TWF2: variants seen among roughly 807,000 people sequenced by gnomAD.
TWF2 encodes twinfilin actin binding protein 2, also known as twinfilin-2.
Under a neutral mutation model 45.1 loss-of-function variants are expected in TWF2, and 15 were observed. The ratio of observed to expected loss-of-function variants is 0.33; its 90% CI spans 0.22 to 0.51. TWF2 has a LOEUF of 0.51. Ranked by LOEUF, TWF2 falls within the 20% of genes least tolerant of loss-of-function variation. The probability of loss-of-function intolerance (pLI) is 0.97; values close to 1 mark genes in which losing one functional copy is unlikely to be tolerated. For missense variants in TWF2, 423 were observed against 469.1 expected (o/e 0.90, Z 0.91); for synonymous variants, 177 against 195.8 (o/e 0.90, Z 0.80).
chr3:52,229,887 C>A lies in TWF2; in HGVS notation c.760+33G>T, dbSNP rs377621507. On this transcript the variant is annotated intron_variant, in intron 7 of 8. Coordinates refer to ENST00000305533, the MANE Select transcript of TWF2 (RefSeq NM_007284.4). Reference sequence around the variant, plus strand: ...CAGACCAGCCCTGCTCCCACCCAGCCACAGGCTTGGGAGCCCTGCCATGGC... The same window carrying A: ...CAGACCAGCCCTGCTCCCACCCAGCAACAGGCTTGGGAGCCCTGCCATGGC... 454 of 1,596,880 alleles carry A rather than the reference C, an allele frequency of 2.8e-4. No individual in the cohort carries two copies. In the African/African-American group the frequency reaches 5.1e-3, roughly 18 times the overall value.
rs551290450 is a variant in TWF2 at position 52,230,981 on chromosome 3, G to T, written c.498C>A (p.Ile166=). The stretch of plus-strand genomic sequence containing the variant: ...GGGTCTGGTGCTTGCTTTCCACACT[G>T]ATCTCTGTCTTCACCTGTGGGTAGG... ...QIRINEVKTE[I]SVESKHQTLQ... is the part of the protein sequence containing the mutation. Residue 166 remains isoleucine, a synonymous_variant, in exon 6 of 9, where the codon ATC becomes ATA. Transcript: ENST00000305533. The T allele has an allele frequency of 6.2e-7, 1 of 1,605,518 alleles. No homozygotes were observed. Among genetic ancestry groups the T allele is most frequent in the Admixed American group, 1.7e-5 (1 of 58,222 alleles).
chr3:52,229,839 C>A lies in TWF2; in HGVS notation c.761-57G>T, dbSNP rs929854227. On this transcript the variant is annotated intron_variant, in intron 7 of 8. Coordinates refer to ENST00000305533, the MANE Select transcript of TWF2 (RefSeq NM_007284.4). ...CCTGAGAAACCTGCTGACCTTCGCA[C>A]CCAGAGCAGGCCTGCCCCACTGCAG... 9.4e-5 allele frequency: 150 copies of A among 1,597,608 alleles called. No homozygotes were observed. The African/African-American group carries it at 1.3e-3, about 14-fold the overall frequency.
intron 2 of TWF2, 55 bp downstream of exon 2, chr3:52,234,974 A>G: frequency 6.3e-7 from 1 of 1,592,310 alleles, no homozygotes; most frequent in Admixed American, 1.7e-5. Flanking sequence ...CCCCACCCAC[A>G]GAGGCAGCAG....
At chr3:52,238,882 G>A in intron 1 of TWF2, 110 bp downstream of exon 1, 2 of 1,427,504 alleles carry the variant, frequency 1.4e-6, no homozygotes, top group Non-Finnish European at 1.9e-6. Flanking sequence ...AAAGAGAACA[G>A]GAAGCTTTCT....
At chr3:52,231,684 G>A (rs973702290) in intron 3 of TWF2, 145 bp from the exon 4 acceptor site, 5 of 1,029,674 alleles carry the variant, frequency 4.9e-6, no homozygotes, top group East Asian at 5.1e-5. Context: ...CGCAGCAGGT[G>A]GCCCCCACCA....
intron 2 of TWF2, among the ~76,000 whole-genome samples, chr3:52,233,013 A>G (rs1321878166): frequency 6.6e-6 from 1 of 152,206 alleles, no homozygotes; most frequent in East Asian, 1.9e-4. Flanking sequence ...CTCCGTCTCA[A>G]AAAAAGAAAG....
chr3:52,238,921 C>A (rs932132802), intron 1 of TWF2, 71 bp downstream of exon 1: 611 of 1,446,384 alleles, frequency 4.2e-4, no homozygotes, highest in Non-Finnish European at 5.3e-4. Context: ...GAGGGAGGGG[C>A]CGAGAGCCGG....
chr3:52,238,984 G>A lies in TWF2; in HGVS notation c.25+8C>T. On this transcript the variant is annotated splice_region_variant and intron_variant, in intron 1 of 8. Transcript: ENST00000305533. ...GAGGCCCCCTGCCCGCCCGCCATCC[G>A]CCCTCACCGTGGATGCCCGTTTGGT... 1 of 1,592,680 alleles carries A rather than the reference G, an allele frequency of 6.3e-7. No homozygotes were observed. Among genetic ancestry groups the A allele is most frequent in the Non-Finnish European group, 8.5e-7 (1 of 1,176,946 alleles).
At position 52,231,510 on chromosome 3, in the gene TWF2, C is replaced by A. The variant is rs567300535; in HGVS notation, c.312G>T (p.Thr104=). Residue 104 remains threonine (T), a synonymous_variant, in exon 4 of 9, where the codon ACG becomes ACT. Transcript: ENST00000305533. ...CAAACTCCTTTTTCACTGTGGCCCG[C>A]GTGGCCGCGTACAGCATCTTCAGCC... The part of the protein sequence containing the change: ...PVRLKMLYAA[T]RATVKKEFGG... 2 of 1,613,658 alleles carry A rather than the reference C, an allele frequency of 1.2e-6. No homozygotes were observed. Among genetic ancestry groups the A allele is most frequent in the African/African-American group, 2.7e-5 (2 of 74,936 alleles).
At chr3:52,234,983 A>G in intron 2 of TWF2, 46 bp downstream of exon 2, 1 of 1,602,418 alleles carries the variant, frequency 6.2e-7, no homozygotes, top group South Asian at 1.1e-5. Flanking sequence ...CAGAGGCAGC[A>G]GAGTCCACCC....
intron 1 of TWF2, among the ~76,000 whole-genome samples, chr3:52,236,946 T>A (rs1699731053): frequency 6.6e-6 from 1 of 152,136 alleles, no homozygotes; most frequent in Non-Finnish European, 1.5e-5. Flanking sequence ...CTTCAGTGTA[T>A]AAAATGGAAA....
rs1412534833 is a variant in TWF2 at position 52,230,222 on chromosome 3, T to TG, written c.610-153dup. The TG allele has an allele frequency of 3.6e-6, 4 of 1,102,038 alleles. No homozygotes were observed. In the Admixed American group the frequency reaches 8.7e-5, roughly 24 times the overall value. The allele number at this position is 1,102,038 out of a possible 1,614,324, so 68.3% of individuals were successfully genotyped here. Reference sequence around the variant, plus strand: ...CTCCCCTGCAATGGCCATCCCTCTATGGGGGTCCCTCTGAAGAGGCCAGTC... The same window carrying TG: ...CTCCCCTGCAATGGCCATCCCTCTATGGGGGGTCCCTCTGAAGAGGCCAGTC... On this transcript the variant is annotated intron_variant, in intron 6 of 8. Coordinates refer to ENST00000305533, the MANE Select transcript of TWF2 (RefSeq NM_007284.4).
chr3:52,233,669 C>T (rs932254013), intron 2 of TWF2, among the ~76,000 whole-genome samples: 4 of 152,102 alleles, frequency 2.6e-5, no homozygotes, highest in Non-Finnish European at 4.4e-5. Flanking sequence ...TGGCTTATGC[C>T]CGTAATCCCA....
chr3:52,233,858 A>G (rs554470994), intron 2 of TWF2, among the ~76,000 whole-genome samples: 3 of 150,234 alleles, frequency 2.0e-5, no homozygotes, highest in Admixed American at 6.6e-5. Context: ...AGCTTGCAGT[A>G]AGCTGAGATC....
chr3:52,235,183 C>A, intron 1 of TWF2, 77 bp from the exon 2 acceptor site: 2 of 1,473,430 alleles, frequency 1.4e-6, no homozygotes, highest in South Asian at 2.3e-5. Flanking sequence ...CTCTGTCCCA[C>A]AGGGTCTGGT....
intron 1 of TWF2, among the ~76,000 whole-genome samples, chr3:52,236,479 G>A (rs112231836): frequency 7.0e-4 from 106 of 152,292 alleles, no homozygotes; most frequent in African/African-American, 2.4e-3. Flanking sequence ...ATGTGGGGAA[G>A]GGCCCTGCTT....
In TWF2 at chr3:52,231,509, G is replaced by T. The variant is rs1062714; in HGVS notation, c.313C>A (p.Arg105=). Residue 105 remains arginine, a synonymous_variant, in exon 4 of 9, where the codon CGG becomes AGG. Coordinates refer to ENST00000305533, the MANE Select transcript of TWF2 (RefSeq NM_007284.4). ...VRLKMLYAAT[R]ATVKKEFGGG... is the part of the protein sequence containing the mutation. ...CCAAACTCCTTTTTCACTGTGGCCC[G>T]CGTGGCCGCGTACAGCATCTTCAGC... The T allele has an allele frequency of 1.2e-6, 2 of 1,613,730 alleles. No homozygotes were observed. Among genetic ancestry groups the T allele is most frequent in the Non-Finnish European group, 1.7e-6 (2 of 1,179,962 alleles).
chr3:52,230,458 GC>G (rs1361455175), intron 6 of TWF2, among the ~76,000 whole-genome samples: 2 of 152,192 alleles, frequency 1.3e-5, no homozygotes, highest in African/African-American at 4.8e-5. Context: ...GAAAGCGGCA[GC>G]CGGAACAGCC....
In TWF2 at chr3:52,238,934, G is replaced by T. The variant is rs1228572403; in HGVS notation, c.25+58C>A. ...TGGAGGGAGGGGCCGAGAGCCGGGGGGGGGCGCTTCCGAGAGCCCAGACCG... is the reference window on the plus strand; with the variant it reads ...TGGAGGGAGGGGCCGAGAGCCGGGGTGGGGCGCTTCCGAGAGCCCAGACCG... On this transcript the variant is annotated intron_variant, in intron 1 of 8. Coordinates refer to ENST00000305533, the MANE Select transcript of TWF2 (RefSeq NM_007284.4). 50 of 1,564,926 alleles carry T rather than the reference G, an allele frequency of 3.2e-5. No homozygotes were observed. In the East Asian group the frequency reaches 4.6e-4, roughly 14 times the overall value.
Sources: gnomAD v4.1 joint callset for allele counts (sites outside exome capture counted in the v4.1 genomes callset) on GRCh38, gnomAD v4.1.1 for gene constraint, MANE v1.5 for transcripts, NCBI Gene and HGNC (gene_info 2026-07-23, HGNC 2026-07-21) for gene names.